The following BAZ1B variants were observed in gnomAD, a reference collection of about 807,000 sequenced individuals.
The protein encoded by BAZ1B is tyrosine-protein kinase BAZ1B.
A neutral mutation model predicts 153.8 loss-of-function variants in BAZ1B; 22 were observed. That is an observed-to-expected ratio of 0.14 (90% CI 0.10 to 0.20). The LOEUF (loss-of-function observed/expected upper bound fraction) is 0.20, where lower values mean the gene tolerates loss of function less well. Among genes scored for constraint, BAZ1B ranks in the 10% least tolerant of loss-of-function variants. The pLI is 1.00. For missense variants in BAZ1B, 1,325 were observed against 1,799.3 expected (o/e 0.74, Z 4.77); for synonymous variants, 676 against 633.4 (o/e 1.07, Z -1.01).
intron 4 of BAZ1B, among the ~76,000 whole-genome samples, chr7:73,493,218 T>TG (rs1314721469): frequency 6.6e-6 from 1 of 152,098 alleles, no homozygotes; most frequent in African/African-American, 2.4e-5. Flanking sequence ...CCCAGCACTT[T>TG]GGGAGGCTGA....
At chr7:73,481,804 G>A (rs1189728511) in intron 6 of BAZ1B, among the ~76,000 whole-genome samples, 1 of 152,164 alleles carries the variant, frequency 6.6e-6, no homozygotes, top group Non-Finnish European at 1.5e-5. Context: ...TTGGAAGGCT[G>A]AGGCGGGCAG....
intron 6 of BAZ1B, among the ~76,000 whole-genome samples, chr7:73,484,465 CCT>C (rs1372264140): frequency 6.6e-6 from 1 of 151,828 alleles, no homozygotes; most frequent in Non-Finnish European, 1.5e-5. Flanking sequence ...ATGGCGAGAC[CCT>C]GTCTCTTCAA....
rs961024538 is a variant in BAZ1B, at chr7:73,522,057, G to A, written c.-124C>T. On this transcript the variant is annotated 5_prime_UTR_variant, in exon 1 of 20. Coordinates refer to ENST00000339594, the MANE Select transcript of BAZ1B (RefSeq NM_032408.4). ...GGGTGGGGGAAGGGAGGGGTGAGAG[G>A]GCGGCGCGAACTCCGGCTCCCTCAC... The A allele has an allele frequency of 7.1e-5, 44 of 617,316 alleles. No individual in the cohort carries two copies. The highest frequency in any genetic ancestry group is 8.4e-5 in the Non-Finnish European group (36 of 427,676). 38.2% of individuals were successfully genotyped at this position (617,316 alleles called of 1,614,324 possible).
At chr7:73,449,460 T>C in intron 15 of BAZ1B, 82 bp downstream of exon 15, 2 of 1,457,306 alleles carry the variant, frequency 1.4e-6, no homozygotes, top group East Asian at 2.5e-5. Context: ...CTTAGATTCA[T>C]TCTGTTTGAA....
rs782431272 is a variant in BAZ1B at position 73,444,065 on chromosome 7, C to A, written c.3909G>T (p.Arg1303=). The A allele has an allele frequency of 2.4e-5, 39 of 1,613,646 alleles. No individual in the cohort carries two copies. The highest frequency in any genetic ancestry group is 1.9e-5 in the Non-Finnish European group (22 of 1,179,776). Residue 1303 remains arginine (R), a synonymous_variant, in exon 17 of 20, where the codon CGG becomes CGT. Coordinates refer to ENST00000339594, the MANE Select transcript of BAZ1B (RefSeq NM_032408.4). ...SVIPPAARSG[R]RPGKKPHSTR... The stretch of plus-strand genomic sequence containing the variant: ...TAGAGTGTGGCTTCTTACCCGGGCG[C>A]CGGCCTGACCTTGCTGCAGGGGGGA...
At chr7:73,496,292 C>T (rs998312408) in intron 4 of BAZ1B, among the ~76,000 whole-genome samples, 2 of 152,144 alleles carry the variant, frequency 1.3e-5, no homozygotes, top group Non-Finnish European at 2.9e-5. Flanking sequence ...TTAGCATTCA[C>T]AATACAGGAG....
At chr7:73,457,871 A>C (rs1381561511) in intron 13 of BAZ1B, among the ~76,000 whole-genome samples, 1 of 152,172 alleles carries the variant, frequency 6.6e-6, no homozygotes, top group Non-Finnish European at 1.5e-5. Flanking sequence ...CACACTCAGA[A>C]GCTGGAAGGA....
chr7:73,520,521 G>A (rs766104291), intron 1 of BAZ1B, among the ~76,000 whole-genome samples: 198 of 151,992 alleles, frequency 1.3e-3, no homozygotes, highest in Non-Finnish European at 1.7e-3. Context: ...TCCACTCTCT[G>A]GGCCAACTCA....
At chr7:73,498,965 C>T (rs1373564043) in intron 3 of BAZ1B, among the ~76,000 whole-genome samples, 3 of 152,198 alleles carry the variant, frequency 2.0e-5, no homozygotes, top group African/African-American at 7.2e-5. Flanking sequence ...AGGGCAATCA[C>T]TGTACCAGCC....
chr7:73,504,480 G>A (rs1273939976), intron 3 of BAZ1B, among the ~76,000 whole-genome samples: 3 of 152,040 alleles, frequency 2.0e-5, no homozygotes, highest in East Asian at 1.9e-4. Flanking sequence ...TGGCTAATAC[G>A]GTGAAACCCC....
intron 3 of BAZ1B, among the ~76,000 whole-genome samples, chr7:73,501,746 C>T (rs985135256): frequency 1.3e-5 from 2 of 152,208 alleles, no homozygotes; most frequent in Non-Finnish European, 2.9e-5. Flanking sequence ...ATATCCTACT[C>T]AACCTACAGG....
At chr7:73,511,030 G>C (rs1554578501) in intron 1 of BAZ1B, among the ~76,000 whole-genome samples, 178 bp from the exon 2 acceptor site, 1 of 152,160 alleles carries the variant, frequency 6.6e-6, no homozygotes, top group East Asian at 1.9e-4. Flanking sequence ...CCAGCACTTT[G>C]GGAGGCCGAG....
At chr7:73,504,796 C>G (rs2116435236) in intron 3 of BAZ1B, among the ~76,000 whole-genome samples, 1 of 152,238 alleles carries the variant, frequency 6.6e-6, no homozygotes, top group African/African-American at 2.4e-5. Flanking sequence ...CCACTGCACT[C>G]CAGTCTGGAA....
At chr7:73,495,438 A>G (rs1554576254) in intron 4 of BAZ1B, among the ~76,000 whole-genome samples, 2 of 152,220 alleles carry the variant, frequency 1.3e-5, no homozygotes, top group African/African-American at 2.4e-5. Flanking sequence ...TACACTATGC[A>G]AACTGAAAAA....
At chr7:73,465,043 TACTA>T (rs1398767769) in intron 11 of BAZ1B, among the ~76,000 whole-genome samples, 1 of 152,100 alleles carries the variant, frequency 6.6e-6, no homozygotes, top group Non-Finnish European at 1.5e-5. Context: ...CCTGGATATA[TACTA>T]ACTTTTATTT....
At chr7:73,508,553 T>C (rs1554578147) in intron 2 of BAZ1B, 82 bp from the exon 3 acceptor site, 2 of 1,427,096 alleles carry the variant, frequency 1.4e-6, no homozygotes, top group Non-Finnish European at 1.9e-6. Flanking sequence ...AACATTTCTT[T>C]CTTTCTTTTC....
intron 1 of BAZ1B, among the ~76,000 whole-genome samples, chr7:73,516,512 C>G (rs916601321): frequency 6.6e-6 from 1 of 151,728 alleles, no homozygotes; most frequent in Non-Finnish European, 1.5e-5. Context: ...GGGCCAGGCG[C>G]GGTGGCTCAC....
At chr7:73,508,691 A>ATGCACCAC (rs1289293915) in intron 2 of BAZ1B, among the ~76,000 whole-genome samples, 1 of 152,170 alleles carries the variant, frequency 6.6e-6, no homozygotes, top group Non-Finnish European at 1.5e-5. Flanking sequence ...GACCACAGGC[A>ATGCACCAC]TGCACCACTG....
At chr7:73,455,968 A>G (rs1313592802) in intron 13 of BAZ1B, among the ~76,000 whole-genome samples, 1 of 152,162 alleles carries the variant, frequency 6.6e-6, no homozygotes, top group African/African-American at 2.4e-5. Context: ...AGGACACCAA[A>G]CTATTAAAAA....
Sources: allele counts gnomAD v4.1 joint callset (sites outside exome capture counted in the v4.1 genomes callset), GRCh38; gene constraint gnomAD v4.1.1; transcripts MANE v1.5; gene names NCBI Gene and HGNC (gene_info 2026-07-23, HGNC 2026-07-21).